Variants in SYCP1 observed in about 807,000 individuals in gnomAD.
SYCP1 encodes synaptonemal complex protein 1, also known as cancer/testis antigen 8.
SYCP1 carries 64 observed loss-of-function variants against 153.1 expected under a neutral mutation model. The ratio of observed to expected loss-of-function variants is 0.42; its 90% CI spans 0.34 to 0.51. The LOEUF (loss-of-function observed/expected upper bound fraction) is 0.51, where lower values mean the gene tolerates loss of function less well. SYCP1 is among the 20% of genes least tolerant of loss of function. SYCP1 has a pLI of 0.06. For missense variants in SYCP1, 997 were observed against 1,049.0 expected, an observed-to-expected ratio of 0.95 and a Z score of 0.68; for synonymous variants, 384 against 341.8, an observed-to-expected ratio of 1.12 and a Z score of -1.36.
In SYCP1 at chr1:114,962,481, T is replaced by G. The variant is rs2101887783; in HGVS notation, c.2323-15076T>G. Among the ~76,000 whole-genome samples the G allele has an allele frequency of 2.0e-5, 3 of 152,338 alleles. No individual in the cohort carries two copies. The East Asian group carries it at 5.8e-4, about 29-fold the overall frequency. ...TTGTCTGATGTAAGAATAACTATTC[T>G]TGCCTGCTTTTGGTGTCCATTTGCA... is the stretch of plus-strand genomic sequence containing the variant. On this transcript the variant is annotated intron_variant, in intron 27 of 31. Coordinates refer to ENST00000369522, the MANE Select transcript of SYCP1 (RefSeq NM_003176.4).
intron 12 of SYCP1, among the ~76,000 whole-genome samples, chr1:114,882,135 T>C (rs1336621027): frequency 2.0e-5 from 3 of 152,100 alleles, no homozygotes; most frequent in Non-Finnish European, 4.4e-5. Context: ...CAGTGAGCTA[T>C]GATTGCTCCA....
intron 27 of SYCP1, among the ~76,000 whole-genome samples, chr1:114,958,650 G>A (rs1671584523): frequency 6.6e-6 from 1 of 151,542 alleles, no homozygotes; most frequent in Non-Finnish European, 1.5e-5. Flanking sequence ...GCCGGGTGCG[G>A]TGGCCCATGC....
chr1:114,994,855 G>T, intron 31 of SYCP1, 27 bp from the exon 32 acceptor site: 5 of 1,575,702 alleles, frequency 3.2e-6, no homozygotes, highest in East Asian at 4.5e-5. Context: ...AACATGTTAT[G>T]ATTTTTAAAT....
chr1:114,985,682 T>C (rs1673451445), intron 30 of SYCP1, among the ~76,000 whole-genome samples: 1 of 151,896 alleles, frequency 6.6e-6, no homozygotes, highest in Admixed American at 6.6e-5. Context: ...AAACCCTAAA[T>C]ATTGAAGTTA....
In SYCP1 at chr1:114,876,218, T is replaced by G. The variant is rs545953206; in HGVS notation, c.727+80T>G. On this transcript the variant is annotated intron_variant, in intron 10 of 31. Coordinates refer to ENST00000369522, the MANE Select transcript of SYCP1 (RefSeq NM_003176.4). Reference sequence around the variant, plus strand: ...TTATCAGATTCCGTTAATGTCTTCATCTCTTTAGCCTGATGCTCTGAACTA... The same window carrying G: ...TTATCAGATTCCGTTAATGTCTTCAGCTCTTTAGCCTGATGCTCTGAACTA... The G allele has an allele frequency of 6.3e-6, 6 of 950,996 alleles. No homozygotes were observed. The Admixed American group carries it at 1.1e-4, about 17-fold the overall frequency. The allele number at this position is 950,996 out of a possible 1,614,324, so 58.9% of individuals were successfully genotyped here. A position where few individuals can be genotyped will look rare whatever the true frequency, so the allele number is the denominator to read the frequency against.
At chr1:114,980,591 GA>G (rs1673085255) in intron 28 of SYCP1, among the ~76,000 whole-genome samples, 2 of 151,852 alleles carry the variant, frequency 1.3e-5, no homozygotes, top group South Asian at 4.2e-4. Flanking sequence ...TGAAAAAGAA[GA>G]AGTATCAATG....
At chr1:114,861,024 A>T (rs938405594) in intron 8 of SYCP1, among the ~76,000 whole-genome samples, 1 of 152,134 alleles carries the variant, frequency 6.6e-6, no homozygotes, top group South Asian at 2.1e-4. Flanking sequence ...GTCAAAGGGT[A>T]TATTCTTGAT....
rs866347697 is a variant in SYCP1 at position 114,887,809 on chromosome 1, T to C, written c.1258+116T>C. ...TCTGTCATTTGCCAGTAGAGATTGC[T>C]TGATAATATTTTTATTTCAATATTT... is the stretch of plus-strand genomic sequence containing the variant. On this transcript the variant is annotated intron_variant, in intron 15 of 31. Coordinates refer to ENST00000369522, the MANE Select transcript of SYCP1 (RefSeq NM_003176.4). 7.4e-5 allele frequency: 43 copies of C among 579,188 alleles called. 1 individual carries two copies. The Middle Eastern group carries it at 1.4e-3, about 19-fold the overall frequency. 35.9% of individuals were successfully genotyped at this position (579,188 alleles called of 1,614,324 possible).
intron 29 of SYCP1, 69 bp from the exon 30 acceptor site, chr1:114,984,656 G>C: frequency 8.3e-7 from 1 of 1,203,990 alleles, no homozygotes; most frequent in Non-Finnish European, 1.1e-6. Flanking sequence ...AAAATTATTT[G>C]TGAAACCCTT....
At chr1:114,881,875 A>G (rs1372022536) in intron 12 of SYCP1, among the ~76,000 whole-genome samples, 11 of 152,056 alleles carry the variant, frequency 7.2e-5, no homozygotes, top group Non-Finnish European at 1.6e-4. Flanking sequence ...TTCATCTTCG[A>G]TTTTTAGCAT....
chr1:114,969,468 G>T, intron 27 of SYCP1, among the ~76,000 whole-genome samples: 1 of 152,162 alleles, frequency 6.6e-6, no homozygotes, highest in East Asian at 1.9e-4. Flanking sequence ...TGAAGCCTCA[G>T]TAATGGTGGA....
At chr1:114,966,689 CTTT>C (rs373044329) in intron 27 of SYCP1, among the ~76,000 whole-genome samples, 1 of 140,546 alleles carries the variant, frequency 7.1e-6, no homozygotes, top group Admixed American at 7.2e-5. Flanking sequence ...TTCTTTCTTT[CTTT>C]TTTTTTTTTT....
chr1:114,927,893 T>C (rs1216416767), intron 23 of SYCP1, among the ~76,000 whole-genome samples: 1 of 152,132 alleles, frequency 6.6e-6, no homozygotes. Flanking sequence ...TGATCACAGC[T>C]CACCGCAGCC....
At chr1:114,862,087 C>T (rs556701301) in intron 8 of SYCP1, among the ~76,000 whole-genome samples, 1 of 152,154 alleles carries the variant, frequency 6.6e-6, no homozygotes, top group African/African-American at 2.4e-5. Context: ...AGGCATGAGC[C>T]ACTGCACCCG....
intron 27 of SYCP1, among the ~76,000 whole-genome samples, chr1:114,974,189 T>A (rs780589521): frequency 1.9e-4 from 29 of 152,052 alleles, no homozygotes; most frequent in South Asian, 1.2e-3. Flanking sequence ...ATATGATATG[T>A]ATCAGTTTTG....
At chr1:114,891,795 G>C (rs1217200725) in intron 15 of SYCP1, among the ~76,000 whole-genome samples, 1 of 152,156 alleles carries the variant, frequency 6.6e-6, no homozygotes, top group South Asian at 2.1e-4. Flanking sequence ...CTAAGGCTTA[G>C]ATGTTTATTC....
At chr1:114,857,411 A>G (rs1357888745) in intron 4 of SYCP1, 33 bp from the exon 5 acceptor site, 3 of 1,569,674 alleles carry the variant, frequency 1.9e-6, no homozygotes, top group Middle Eastern at 1.7e-4. Context: ...TCTTATCAGA[A>G]GTATTTTCTT....
chr1:114,876,609 C>A, intron 10 of SYCP1, 128 bp from the exon 11 acceptor site: 1 of 404,758 alleles, frequency 2.5e-6, no homozygotes. Flanking sequence ...TAGCTCATTA[C>A]AAACTTTTAG....
intron 29 of SYCP1, among the ~76,000 whole-genome samples, chr1:114,982,157 A>T (rs1362031912): frequency 6.6e-6 from 1 of 152,014 alleles, no homozygotes; most frequent in Non-Finnish European, 1.5e-5. Flanking sequence ...TCAGCTAGAT[A>T]CAAAGACAAA....
Sources: gnomAD v4.1 joint callset for allele counts (sites outside exome capture counted in the v4.1 genomes callset) on GRCh38, gnomAD v4.1.1 for gene constraint, MANE v1.5 for transcripts, NCBI Gene and HGNC (gene_info 2026-07-23, HGNC 2026-07-21) for gene names.